Variants in EPHA5 observed in about 807,000 individuals in gnomAD.
EPHA5 encodes the protein EPH receptor A5, also known as ephrin type-A receptor 5.
A neutral mutation model predicts 105.0 loss-of-function variants in EPHA5; 60 were observed. That is an observed-to-expected ratio of 0.57 (90% CI 0.46 to 0.71). The LOEUF (loss-of-function observed/expected upper bound fraction) is 0.71. EPHA5 is among the 30% of genes least tolerant of loss of function. The probability of loss-of-function intolerance (pLI) is 0.00; values close to 1 mark genes in which losing one functional copy is unlikely to be tolerated. For missense variants in EPHA5, 1,218 were observed against 1,274.7 expected (o/e 0.96, Z 0.68); for synonymous variants, 513 against 449.1 (o/e 1.14, Z -1.80).
At chr4:65,490,152 A>G (rs1248166145) in intron 5 of EPHA5, among the ~76,000 whole-genome samples, 4 of 152,226 alleles carry the variant, frequency 2.6e-5, no homozygotes, top group Admixed American at 2.6e-4. Flanking sequence ...CAATTAAAAA[A>G]TGTTTTGTTT....
intron 3 of EPHA5, among the ~76,000 whole-genome samples, chr4:65,562,141 G>C (rs1739074441): frequency 6.6e-6 from 1 of 152,064 alleles, no homozygotes; most frequent in Admixed American, 6.6e-5. Context: ...AATTTGGCTT[G>C]CTAGGCATGT....
At chr4:65,365,649 CTA>C (rs57048004) in intron 10 of EPHA5, among the ~76,000 whole-genome samples, 3,583 of 64,042 alleles carry the variant, frequency 0.056, 99 homozygotes, top group South Asian at 0.09. Context: ...TACAAATTCA[CTA>C]TATATATATA....
chr4:65,445,363 A>G (rs1256349995), intron 5 of EPHA5, among the ~76,000 whole-genome samples: 3 of 152,118 alleles, frequency 2.0e-5, no homozygotes, highest in Non-Finnish European at 2.9e-5. Context: ...ATGTTATTTA[A>G]TTGACTTATT....
intron 3 of EPHA5, among the ~76,000 whole-genome samples, chr4:65,523,504 C>A (rs1734954014): frequency 6.6e-6 from 1 of 151,984 alleles, no homozygotes; most frequent in Non-Finnish European, 1.5e-5. Flanking sequence ...GTACAAAAGA[C>A]AGGTTCTGAG....
intron 14 of EPHA5, among the ~76,000 whole-genome samples, chr4:65,337,052 G>A (rs1225488245): frequency 6.6e-6 from 1 of 151,918 alleles, no homozygotes; most frequent in Non-Finnish European, 1.5e-5. Context: ...ATTAGCATAG[G>A]AAATTTACAA....
intron 7 of EPHA5, among the ~76,000 whole-genome samples, chr4:65,407,200 G>A (rs995278957): frequency 5.3e-5 from 8 of 152,026 alleles, no homozygotes; most frequent in Non-Finnish European, 1.0e-4. Flanking sequence ...GCTCAGTCTA[G>A]CATTCAGAAG....
chr4:65,444,743 T>C (rs796931088), intron 5 of EPHA5, among the ~76,000 whole-genome samples: 10 of 152,262 alleles, frequency 6.6e-5, no homozygotes, highest in African/African-American at 2.4e-4. Flanking sequence ...CTGTATTATA[T>C]TACCACTTCA....
chr4:65,351,623 A>AGT, intron 12 of EPHA5, 25 bp from the exon 13 acceptor site: 1 of 1,606,548 alleles, frequency 6.2e-7, no homozygotes, highest in South Asian at 1.1e-5. Flanking sequence ...TAGAAATATT[A>AGT]GTCTAGCAAC....
At chr4:65,420,612 A>G in intron 5 of EPHA5, 47 bp from the exon 6 acceptor site, 1 of 1,578,224 alleles carries the variant, frequency 6.3e-7, no homozygotes, top group Non-Finnish European at 8.6e-7. Context: ...TAAGGCCCTA[A>G]AAGTAAACCT....
At chr4:65,476,044 A>G (rs1005879199) in intron 5 of EPHA5, among the ~76,000 whole-genome samples, 9 of 151,900 alleles carry the variant, frequency 5.9e-5, no homozygotes, top group Admixed American at 4.6e-4. Flanking sequence ...AGAACTTCCT[A>G]CAAATGTAAT....
intron 2 of EPHA5, among the ~76,000 whole-genome samples, chr4:65,609,845 T>A (rs967067790): frequency 6.6e-6 from 1 of 152,040 alleles, no homozygotes; most frequent in Non-Finnish European, 1.5e-5. Flanking sequence ...TTAAATATCA[T>A]GATGAACATA....
chr4:65,516,726 C>T (rs1181267547), intron 3 of EPHA5, among the ~76,000 whole-genome samples: 2 of 151,990 alleles, frequency 1.3e-5, no homozygotes, highest in Admixed American at 6.6e-5. Flanking sequence ...AAATTTTCTT[C>T]CTTTTAAATC....
intron 6 of EPHA5, among the ~76,000 whole-genome samples, chr4:65,416,477 TC>T (rs1341899296): frequency 6.8e-6 from 1 of 147,020 alleles, no homozygotes; most frequent in Non-Finnish European, 1.5e-5. Flanking sequence ...GATGGTAAGT[TC>T]CCCCATTGAA....
chr4:65,484,358 A>T (rs1343325969), intron 5 of EPHA5, among the ~76,000 whole-genome samples: 1 of 152,174 alleles, frequency 6.6e-6, no homozygotes, highest in Non-Finnish European at 1.5e-5. Context: ...AATTGAAAAG[A>T]CCCATTGAAC....
rs970374587 is a variant in EPHA5 at position 65,669,909 on chromosome 4, A to G, written c.-167T>C. 5.1e-5 allele frequency: 56 copies of G among 1,089,438 alleles called. No homozygotes were observed. The highest frequency in any genetic ancestry group is 5.9e-5 in the Non-Finnish European group (51 of 858,874). The allele number at this position is 1,089,438 out of a possible 1,614,324, so 67.5% of individuals were successfully genotyped here. ...TGTAGGAACCACGGATCCGGCTGAG[A>G]CAGCTGAAGTTTGCTTCTGGCTCCT... On this transcript the variant is annotated 5_prime_UTR_variant, in exon 1 of 17. Transcript: ENST00000613740.
rs1156977612 is a variant in EPHA5 at position 65,601,801 on chromosome 4, A to C, written c.750T>G (p.Ala250=). The change falls in exon 3 of 17, where the codon GCT becomes GCG. Residue 250 remains alanine, a synonymous_variant. Transcript: ENST00000613740. ...ACACTTCGAGCAATTGGGAAGAATCAGCTCCAGTGATGGTGTCAGGGAAGA... is the reference window on the plus strand; with the variant it reads ...ACACTTCGAGCAATTGGGAAGAATCCGCTCCAGTGATGGTGTCAGGGAAGA... The part of the protein sequence containing the change: ...LAVFPDTITG[A]DSSQLLEVSG... 1 of 1,614,174 alleles carries C rather than the reference A, an allele frequency of 6.2e-7. No homozygotes were observed.
In EPHA5 at chr4:65,417,816, T is replaced by C. The variant is rs146822363; in HGVS notation, c.1527+2625A>G. Among the ~76,000 whole-genome samples, 11 of 152,272 alleles carry C rather than the reference T, an allele frequency of 7.2e-5. No individual in the cohort carries two copies. In the East Asian group the frequency reaches 1.9e-3, roughly 27 times the overall value. On this transcript the variant is annotated intron_variant, in intron 6 of 16. Transcript: ENST00000613740. ...CTACCACTTGTTGAATAACTCTTTG[T>C]TGTAACAGAAGCAGCAACGTTTTTT...
At chr4:65,331,087 T>A (rs1358830114) in intron 16 of EPHA5, 1 of 1,041,960 alleles carries the variant, frequency 9.6e-7, no homozygotes, top group Admixed American at 5.6e-5. Context: ...ACAACTATGG[T>A]TTAGTGCTTC....
intron 3 of EPHA5, among the ~76,000 whole-genome samples, chr4:65,496,679 G>A (rs543058398): frequency 3.0e-4 from 46 of 151,864 alleles, no homozygotes; most frequent in African/African-American, 1.0e-3. Context: ...GAATAATGCC[G>A]CAATAAACAT....
Sources: gnomAD v4.1 joint callset for allele counts (sites outside exome capture counted in the v4.1 genomes callset) on GRCh38, gnomAD v4.1.1 for gene constraint, MANE v1.5 for transcripts, NCBI Gene and HGNC (gene_info 2026-07-23, HGNC 2026-07-21) for gene names.